Variants in PRTG observed in about 807,000 individuals in gnomAD.
The protein encoded by PRTG is immunoglobulin superfamily, DCC subclass, member 5.
Under a neutral mutation model 122.5 loss-of-function variants are expected in PRTG, and 67 were observed. That is an observed-to-expected ratio of 0.55 (90% confidence interval 0.45 to 0.67). The LOEUF (loss-of-function observed/expected upper bound fraction) is 0.67. Ranked by LOEUF, PRTG falls within the 30% of genes least tolerant of loss-of-function variation. The pLI, the probability that PRTG is intolerant of heterozygous loss-of-function variation, is 0.00. For synonymous variants in PRTG, 554 were observed against 501.1 expected (o/e 1.11, Z -1.41); for missense variants, 1,435 against 1,415.4 (o/e 1.01, Z -0.22).
intron 11 of PRTG, among the ~76,000 whole-genome samples, chr15:55,672,198 G>C (rs2059475797): frequency 1.3e-5 from 2 of 152,126 alleles, no homozygotes; most frequent in Admixed American, 6.5e-5. Flanking sequence ...ACAAAGAAAA[G>C]CAGATTCACA....
chr15:55,651,397 C>A (rs1375762854), intron 11 of PRTG, among the ~76,000 whole-genome samples: 4 of 152,104 alleles, frequency 2.6e-5, no homozygotes, highest in Non-Finnish European at 5.9e-5. Flanking sequence ...GAATTCCAAT[C>A]CTGCTGCCTT....
chr15:55,715,383 A>T (rs1470416491), intron 2 of PRTG, among the ~76,000 whole-genome samples: 8 of 152,208 alleles, frequency 5.3e-5, no homozygotes, highest in African/African-American at 1.9e-4. Flanking sequence ...TGATTCATTG[A>T]TTCTATAAAC....
Position 55,620,758 on chromosome 15 carries a change from C to A in PRTG, c.3103G>T (p.Asp1035Tyr). The A allele has an allele frequency of 1.3e-6, 2 of 1,585,536 alleles. No individual in the cohort carries two copies. The highest frequency in any genetic ancestry group is 1.2e-5 in the South Asian group (1 of 84,978). ...GGACCATAGCTATTAATTATCAGGTCAGTTCCTCCCTGAGGAAATAAAAGA... is the reference window on the plus strand; with the variant it reads ...GGACCATAGCTATTAATTATCAGGTAAGTTCCTCCCTGAGGAAATAAAAGA... ...NSFIDAKGGT[D>Y]LIINSYGPII... Residue 1035 changes from aspartate to tyrosine, a missense_variant, in exon 19 of 20, where the codon GAC becomes TAC. Physicochemically the swap from Asp to Tyr is radical, Grantham distance 160. Transcript: ENST00000389286.
At position 55,656,847 on chromosome 15, in the gene PRTG, T is replaced by C. The variant is rs527338773; in HGVS notation, c.2041+15598A>G. On this transcript the variant is annotated intron_variant, in intron 11 of 19. Coordinates refer to ENST00000389286, the MANE Select transcript of PRTG (RefSeq NM_173814.6). The stretch of plus-strand genomic sequence containing the variant: ...GGCCAATTTTATCTCTTTTTGTCTA[T>C]ATCAAGTTATATCCATCTATCTATA... Among the ~76,000 whole-genome samples the C allele has an allele frequency of 5.9e-5, 9 of 152,340 alleles. No individual in the cohort carries two copies. In the East Asian group the frequency reaches 1.7e-3, roughly 29 times the overall value.
At chr15:55,675,901 T>C (rs934555367) in intron 8 of PRTG, among the ~76,000 whole-genome samples, 1 of 152,086 alleles carries the variant, frequency 6.6e-6, no homozygotes, top group African/African-American at 2.4e-5. Flanking sequence ...TAAATCAAAC[T>C]GAAAAGAATT....
At chr15:55,654,917 A>G (rs1205731534) in intron 11 of PRTG, among the ~76,000 whole-genome samples, 1 of 152,196 alleles carries the variant, frequency 6.6e-6, no homozygotes, top group Non-Finnish European at 1.5e-5. Flanking sequence ...GCACAGTTTC[A>G]TTGCAAAAAC....
intron 11 of PRTG, among the ~76,000 whole-genome samples, chr15:55,646,335 T>C (rs1294601193): frequency 6.6e-6 from 1 of 150,808 alleles, no homozygotes; most frequent in East Asian, 2.0e-4. Context: ...CTCTTTTTTT[T>C]TTTTTAGGAC....
At chr15:55,742,714 T>C in intron 1 of PRTG, 124 bp downstream of exon 1, 9 of 1,185,550 alleles carry the variant, frequency 7.6e-6, no homozygotes, top group Non-Finnish European at 1.1e-5. Flanking sequence ...GGGCCGGGGG[T>C]CAGCGCCACC....
At chr15:55,678,131 T>C (rs2059514220) in intron 7 of PRTG, 87 bp from the exon 8 acceptor site, 1 of 743,492 alleles carries the variant, frequency 1.3e-6, no homozygotes, top group Non-Finnish European at 2.1e-6. Context: ...ATACTCTCAT[T>C]TTATTTTATT....
intron 2 of PRTG, among the ~76,000 whole-genome samples, chr15:55,716,907 C>A (rs530670397): frequency 4.6e-5 from 7 of 152,208 alleles, no homozygotes; most frequent in African/African-American, 1.7e-4. Flanking sequence ...AAATTCAAAA[C>A]GCCATTATCA....
At chr15:55,627,448 C>A (rs1019178366) in intron 16 of PRTG, among the ~76,000 whole-genome samples, 7 of 151,040 alleles carry the variant, frequency 4.6e-5, no homozygotes, top group African/African-American at 1.7e-4. Flanking sequence ...CTCAGCCTCC[C>A]GAGTAGCTGG....
chr15:55,709,145 CAAAAAAAAAAAAAAAAA>C lies in PRTG; in HGVS notation c.398-25231_398-25215del, dbSNP rs3985769. Reference sequence around the variant, plus strand: ...TGGGCGACAGGGTGGGACTCTGTCTCAAAAAAAAAAAAAAAAAAAAAAAAAAAAAGAATTACAGACGT... The same window carrying C: ...TGGGCGACAGGGTGGGACTCTGTCTCAAAAAAAAAAAAGAATTACAGACGT... On this transcript the variant is annotated intron_variant, in intron 2 of 19. Coordinates refer to ENST00000389286, the MANE Select transcript of PRTG (RefSeq NM_173814.6). Among the ~76,000 whole-genome samples, 64 of 51,854 alleles carry C rather than the reference CAAAAAAAAAAAAAAAAA, an allele frequency of 1.2e-3. 1 individual carries two copies. The South Asian group carries it at 0.054, about 44-fold the overall frequency. 34.0% of individuals were successfully genotyped at this position (51,854 alleles called of 152,430 possible).
chr15:55,652,903 T>C (rs2059360701), intron 11 of PRTG, among the ~76,000 whole-genome samples: 1 of 152,150 alleles, frequency 6.6e-6, no homozygotes. Context: ...AAAACGTTAA[T>C]TCATGATGAT....
chr15:55,632,995 C>A (rs2059236143), intron 15 of PRTG, among the ~76,000 whole-genome samples: 1 of 152,140 alleles, frequency 6.6e-6, no homozygotes, highest in South Asian at 2.1e-4. Context: ...TCCTTTATTA[C>A]AAGATTGCTA....
chr15:55,674,411 G>C (rs1179616483), intron 9 of PRTG, among the ~76,000 whole-genome samples: 2 of 152,198 alleles, frequency 1.3e-5, no homozygotes, highest in Non-Finnish European at 2.9e-5. Context: ...CTTTCTTCAA[G>C]GATATAGAGG....
chr15:55,709,520 A>G (rs2030296264), intron 2 of PRTG, among the ~76,000 whole-genome samples: 1 of 151,946 alleles, frequency 6.6e-6, no homozygotes, highest in Admixed American at 6.6e-5. Flanking sequence ...CAGGCATTTC[A>G]ACTCTTAGGT....
intron 15 of PRTG, among the ~76,000 whole-genome samples, 167 bp from the exon 16 acceptor site, chr15:55,629,171 ATTG>A (rs757042119): frequency 2.0e-5 from 3 of 152,150 alleles, no homozygotes; most frequent in Non-Finnish European, 4.4e-5. Flanking sequence ...ACAATCTTTC[ATTG>A]TTAACATTGT....
chr15:55,684,005 T>C (rs1567098649), intron 2 of PRTG, 74 bp from the exon 3 acceptor site: 1 of 1,291,582 alleles, frequency 7.7e-7, no homozygotes, highest in African/African-American at 1.5e-5. Flanking sequence ...ACACTAGATA[T>C]TACTTATTGG....
At chr15:55,646,178 T>G (rs1172234572) in intron 11 of PRTG, among the ~76,000 whole-genome samples, 2 of 149,924 alleles carry the variant, frequency 1.3e-5, no homozygotes, top group Admixed American at 6.6e-5. Context: ...AGCTAGTTTT[T>G]TTTTTTTTTT....
Sources: allele counts gnomAD v4.1 joint callset (sites outside exome capture counted in the v4.1 genomes callset), GRCh38; gene constraint gnomAD v4.1.1; transcripts MANE v1.5; gene names NCBI Gene and HGNC (gene_info 2026-07-23, HGNC 2026-07-21).